The following CNOT6L variants were observed in gnomAD, a reference collection of about 807,000 sequenced individuals.
The protein encoded by CNOT6L is CCR4-NOT transcription complex subunit 6-like.
CNOT6L carries 7 observed loss-of-function variants against 64.0 expected under a neutral mutation model. The observed-to-expected ratio is 0.11, with a 90% CI of 0.06 to 0.21. The LOEUF (loss-of-function observed/expected upper bound fraction) is 0.21, where lower values mean the gene tolerates loss of function less well. Among genes scored for constraint, CNOT6L ranks in the 10% least tolerant of loss-of-function variants. CNOT6L has a pLI of 1.00. For synonymous variants in CNOT6L, 193 were observed against 243.4 expected, an observed-to-expected ratio of 0.79 and a Z score of 1.93; for missense variants, 245 against 669.0, an observed-to-expected ratio of 0.37 and a Z score of 6.99.
chr4:77,723,137 A>C (rs1439272004), intron 11 of CNOT6L, among the ~76,000 whole-genome samples: 1 of 152,148 alleles, frequency 6.6e-6, no homozygotes, highest in Admixed American at 6.5e-5. Context: ...CTCAGATTAG[A>C]GGATAAACGT....
chr4:77,748,913 T>C lies in CNOT6L; in HGVS notation c.491-529A>G, dbSNP rs182395002. On this transcript the variant is annotated intron_variant, in intron 5 of 11. Coordinates refer to ENST00000504123, the MANE Select transcript of CNOT6L (RefSeq NM_144571.3). The stretch of plus-strand genomic sequence containing the variant: ...AGAACCACATTATGCAGAAAAAAGG[T>C]AGGCACTTGTTAGACATTAATTGCT... Among the ~76,000 whole-genome samples the C allele has an allele frequency of 1.1e-4, 17 of 152,294 alleles. No homozygotes were observed. In the East Asian group the frequency reaches 2.5e-3, roughly 22 times the overall value.
intron 5 of CNOT6L, among the ~76,000 whole-genome samples, chr4:77,752,617 C>T (rs1312087809): frequency 6.6e-6 from 1 of 151,974 alleles, no homozygotes; most frequent in Non-Finnish European, 1.5e-5. Flanking sequence ...TTCTAAATGA[C>T]TCACAGGCCA....
rs199531576 is a variant in CNOT6L, at chr4:77,727,771, A to ACT, written c.1252+1081_1252+1082dup. Among the ~76,000 whole-genome samples, 806 of 152,288 alleles carry ACT rather than the reference A, an allele frequency of 5.3e-3. 6 individuals carry two copies. The highest frequency in any genetic ancestry group is 0.018 in the African/African-American group (759 of 41,544). ...AAAACTTGCACTTGAGAGTAATTCA[A>ACT]CTTAAGAAAGGATTAAGAAAGGAGC... On this transcript the variant is annotated intron_variant, in intron 10 of 11. Coordinates refer to ENST00000504123, the MANE Select transcript of CNOT6L (RefSeq NM_144571.3).
chr4:77,779,025 T>C (rs1366174269), intron 1 of CNOT6L, among the ~76,000 whole-genome samples: 22 of 122,004 alleles, frequency 1.8e-4, no homozygotes, highest in Middle Eastern at 6.1e-3. Context: ...CCAGCCTAGG[T>C]GACAGAGCGA....
rs114807048 is a variant in CNOT6L, at chr4:77,728,688, G to A, written c.1252+166C>T. On this transcript the variant is annotated intron_variant, in intron 10 of 11. Coordinates refer to ENST00000504123, the MANE Select transcript of CNOT6L (RefSeq NM_144571.3). ...TTCCCTTAAACCAGGCAACACCTTT[G>A]GTAATAGCTTCTTTATTAAACTCTC... 4.2e-3 allele frequency among the ~76,000 whole-genome samples: 646 copies of A among 152,086 alleles called. 6 individuals carry two copies. The highest frequency in any genetic ancestry group is 0.015 in the African/African-American group (622 of 41,488).
chr4:77,757,604 C>A (rs571501764), intron 4 of CNOT6L, among the ~76,000 whole-genome samples: 1 of 152,152 alleles, frequency 6.6e-6, no homozygotes, highest in East Asian at 1.9e-4. Flanking sequence ...AGTCTAGCAT[C>A]CAAATTTGAA....
At chr4:77,779,069 A>AAAAAAC (rs1560419999) in intron 1 of CNOT6L, among the ~76,000 whole-genome samples, 4 of 106,144 alleles carry the variant, frequency 3.8e-5, no homozygotes, top group Admixed American at 1.0e-4. Context: ...AAAACAAAAA[A>AAAAAAC]AAAACACAAA....
chr4:77,731,248 T>TC (rs1722415177), intron 9 of CNOT6L, 139 bp downstream of exon 9: 2 of 692,560 alleles, frequency 2.9e-6, no homozygotes, highest in Admixed American at 5.4e-5. Flanking sequence ...GGTGCTATTT[T>TC]CCTGCCCATC....
chr4:77,761,253 A>G (rs764258830), intron 4 of CNOT6L, among the ~76,000 whole-genome samples: 5 of 152,166 alleles, frequency 3.3e-5, no homozygotes, highest in Non-Finnish European at 5.9e-5. Flanking sequence ...AGAATCAACT[A>G]TTTGAGAACA....
chr4:77,722,228 AT>A (rs1159938047), intron 11 of CNOT6L, among the ~76,000 whole-genome samples: 1 of 152,164 alleles, frequency 6.6e-6, no homozygotes, highest in Non-Finnish European at 1.5e-5. Flanking sequence ...AATAAAACAC[AT>A]GAAATAATCT....
intron 1 of CNOT6L, among the ~76,000 whole-genome samples, chr4:77,785,859 T>C (rs1198562637): frequency 2.0e-5 from 3 of 152,112 alleles, no homozygotes; most frequent in East Asian, 1.9e-4. Flanking sequence ...AAGACTTCCA[T>C]GAAGAGGTGA....
chr4:77,788,743 A>C (rs1162393230), intron 1 of CNOT6L, among the ~76,000 whole-genome samples: 4 of 151,412 alleles, frequency 2.6e-5, no homozygotes, highest in Non-Finnish European at 1.5e-5. Flanking sequence ...AGTAATAATA[A>C]ATAATAATAA....
intron 11 of CNOT6L, among the ~76,000 whole-genome samples, chr4:77,725,100 T>C (rs1241680659): frequency 6.6e-6 from 1 of 152,200 alleles, no homozygotes; most frequent in East Asian, 1.9e-4. Context: ...TATCGCTGGA[T>C]TGAATTATCT....
intron 1 of CNOT6L, among the ~76,000 whole-genome samples, chr4:77,808,776 G>A (rs1037172319): frequency 1.3e-5 from 2 of 151,982 alleles, no homozygotes; most frequent in South Asian, 2.1e-4. Context: ...ACTTATCCCT[G>A]TAGTTTAAAA....
intron 1 of CNOT6L, among the ~76,000 whole-genome samples, chr4:77,806,425 C>CAA (rs561215577): frequency 7.4e-6 from 1 of 135,950 alleles, no homozygotes; most frequent in Non-Finnish European, 1.6e-5. Flanking sequence ...AACTCTGTCT[C>CAA]AAAAAAAAAA....
At chr4:77,720,805 A>G (rs1331020130) in intron 11 of CNOT6L, among the ~76,000 whole-genome samples, 162 bp from the exon 12 acceptor site, 1 of 152,218 alleles carries the variant, frequency 6.6e-6, no homozygotes, top group East Asian at 1.9e-4. Flanking sequence ...ATTACATGAA[A>G]TAAAGGTGGC....
intron 7 of CNOT6L, among the ~76,000 whole-genome samples, chr4:77,744,229 A>T (rs1723937929): frequency 6.6e-6 from 1 of 152,190 alleles, no homozygotes; most frequent in African/African-American, 2.4e-5. Flanking sequence ...AAGTGCTATA[A>T]AACAGAAGAA....
At chr4:77,741,407 T>C (rs1723576068) in intron 8 of CNOT6L, among the ~76,000 whole-genome samples, 1 of 152,206 alleles carries the variant, frequency 6.6e-6, no homozygotes, top group African/African-American at 2.4e-5. Flanking sequence ...TCCTGTAAGA[T>C]GATTTCCTAA....
chr4:77,720,697 C>G, intron 11 of CNOT6L, 54 bp from the exon 12 acceptor site: 2 of 1,579,698 alleles, frequency 1.3e-6, no homozygotes, highest in South Asian at 2.3e-5. Context: ...ATATAAAGAA[C>G]AATCCATAAT....
Sources: gnomAD v4.1 joint callset for allele counts (sites outside exome capture counted in the v4.1 genomes callset) on GRCh38, gnomAD v4.1.1 for gene constraint, MANE v1.5 for transcripts, NCBI Gene and HGNC (gene_info 2026-07-23, HGNC 2026-07-21) for gene names.